ATP9A: variants seen among roughly 807,000 people sequenced by gnomAD.
ATP9A encodes ATPase phospholipid transporting 9A, also known as probable phospholipid-transporting ATPase IIA.
A neutral mutation model predicts 144.1 loss-of-function variants in ATP9A; 52 were observed. The observed-to-expected ratio is 0.36, with a 90% CI of 0.29 to 0.45. The LOEUF (loss-of-function observed/expected upper bound fraction) is 0.45. Among genes scored for constraint, ATP9A ranks in the 20% least tolerant of loss-of-function variants. The pLI is 1.00. For synonymous variants in ATP9A, 582 were observed against 557.4 expected (o/e 1.04, Z -0.62); for missense variants, 947 against 1,392.7 (o/e 0.68, Z 5.09).
Position 51,768,344 on chromosome 20 carries a change from G to A in ATP9A, c.26C>T (p.Pro9Leu), listed in dbSNP as rs1180677931. ...GTCCATCCGCTTCTTCTGGCGCACC[G>A]GCTGCAGCGGGATGTTGTCCGTCAT... MTDNIPLQ[P>L]VRQKKRMDSR... Residue 9 changes from proline (P) to leucine (L), a missense_variant, in exon 1 of 28, where the codon CCG (proline) becomes CTG (leucine). Pro to Leu is a moderately conservative substitution (Grantham distance 98, BLOSUM62 -3). Coordinates refer to ENST00000338821, the MANE Select transcript of ATP9A (RefSeq NM_006045.3). 7.7e-6 allele frequency: 10 copies of A among 1,305,172 alleles called. No homozygotes were observed. Among genetic ancestry groups the A allele is most frequent in the Admixed American group, 6.0e-5 (2 of 33,406 alleles). The allele number at this position is 1,305,172 out of a possible 1,614,324, so 80.8% of individuals were successfully genotyped here. A position where few individuals can be genotyped will look rare whatever the true frequency, so the allele number is the denominator to read the frequency against.
intron 4 of ATP9A, among the ~76,000 whole-genome samples, chr20:51,705,902 G>C (rs1043846869): frequency 1.3e-5 from 2 of 152,126 alleles, no homozygotes; most frequent in African/African-American, 4.8e-5. Flanking sequence ...TTTATTTCCA[G>C]TGCCACTGAA....
chr20:51,653,367 A>G (rs2077375090), intron 14 of ATP9A, among the ~76,000 whole-genome samples: 1 of 152,096 alleles, frequency 6.6e-6, no homozygotes, highest in Non-Finnish European at 1.5e-5. Context: ...TAAAACAAAT[A>G]CACCAAAGTC....
chr20:51,608,498 G>A lies in ATP9A; in HGVS notation c.2745+20C>T, dbSNP rs760672424. ...GCAAAGGAGGAAAGGAGGAAGGAGGGACTGAAAAGCTAACAGAACCTTGAG... is the reference window on the plus strand; with the variant it reads ...GCAAAGGAGGAAAGGAGGAAGGAGGAACTGAAAAGCTAACAGAACCTTGAG... On this transcript the variant is annotated intron_variant, in intron 25 of 27. Coordinates refer to ENST00000338821, the MANE Select transcript of ATP9A (RefSeq NM_006045.3). 3.5e-5 allele frequency: 51 copies of A among 1,462,730 alleles called. No individual in the cohort carries two copies. In the Middle Eastern group the frequency reaches 8.6e-4, roughly 25 times the overall value. 90.6% of individuals were successfully genotyped at this position (1,462,730 alleles called of 1,614,324 possible).
At chr20:51,707,660 C>A (rs947624006) in intron 4 of ATP9A, among the ~76,000 whole-genome samples, 1 of 152,134 alleles carries the variant, frequency 6.6e-6, no homozygotes, top group East Asian at 1.9e-4. Flanking sequence ...TGCTCAGAAC[C>A]GAGAATGCAG....
At chr20:51,607,402 C>T in intron 26 of ATP9A, 125 bp downstream of exon 26, 2 of 823,116 alleles carry the variant, frequency 2.4e-6, no homozygotes, top group Non-Finnish European at 2.0e-6. Flanking sequence ...CCCCTGGGTC[C>T]CACTGCCACC....
chr20:51,738,543 A>C (rs1239394396), intron 1 of ATP9A, among the ~76,000 whole-genome samples: 1 of 151,294 alleles, frequency 6.6e-6, no homozygotes, highest in East Asian at 2.0e-4. Context: ...GTCTCTACTA[A>C]AAATACAAAA....
Position 51,611,155 on chromosome 20 carries a change from AG to A in ATP9A, c.2572-991del, listed in dbSNP as rs1459554528. On this transcript the variant is annotated intron_variant, in intron 23 of 27. Coordinates refer to ENST00000338821, the MANE Select transcript of ATP9A (RefSeq NM_006045.3). The surrounding 1 kb of genome is among the most constrained non-coding windows in gnomAD (Gnocchi z 4.2). ...GCAAGGCAGAGATACCCTAGTCATTAGAAATAGCATCAGACCAGGGCTAGCT... is the reference window on the plus strand; with the variant it reads ...GCAAGGCAGAGATACCCTAGTCATTAAAATAGCATCAGACCAGGGCTAGCT... Among the ~76,000 whole-genome samples, 1 of 152,230 alleles carries A rather than the reference AG, an allele frequency of 6.6e-6. No individual in the cohort carries two copies. The highest frequency in any genetic ancestry group is 1.5e-5 in the Non-Finnish European group (1 of 68,044).
At chr20:51,674,957 G>A (rs1047321995) in intron 10 of ATP9A, among the ~76,000 whole-genome samples, 22 of 152,134 alleles carry the variant, frequency 1.4e-4, no homozygotes, top group African/African-American at 3.9e-4. Context: ...GGATTATGGC[G>A]CCCGCCACCA....
At chr20:51,712,132 G>T (rs1170941111) in intron 4 of ATP9A, among the ~76,000 whole-genome samples, 1 of 150,998 alleles carries the variant, frequency 6.6e-6, no homozygotes, top group Non-Finnish European at 1.5e-5. Flanking sequence ...GAGTGCAGTG[G>T]CGCGGTCTAT....
intron 14 of ATP9A, among the ~76,000 whole-genome samples, chr20:51,648,092 G>T (rs2077348961): frequency 6.6e-6 from 1 of 152,140 alleles, no homozygotes; most frequent in Non-Finnish European, 1.5e-5. Flanking sequence ...AAATCTTTCT[G>T]CTTCACACTC....
At chr20:51,601,857 ACATTGCAC>A (rs2077144525) in intron 27 of ATP9A, among the ~76,000 whole-genome samples, 2 of 152,116 alleles carry the variant, frequency 1.3e-5, no homozygotes, top group African/African-American at 4.8e-5. Context: ...CAGTGAGCCA[ACATTGCAC>A]CACCGCACTC....
chr20:51,743,396 A>ATTTTTT (rs769952209), intron 1 of ATP9A, among the ~76,000 whole-genome samples: 6,339 of 89,514 alleles, frequency 0.071, 1,117 homozygotes, highest in African/African-American at 0.14. Flanking sequence ...ACCGAAACTG[A>ATTTTTT]TTTTTTTTTT....
chr20:51,704,735 G>A (rs1601116084), intron 4 of ATP9A, among the ~76,000 whole-genome samples: 2 of 152,190 alleles, frequency 1.3e-5, no homozygotes, highest in Admixed American at 6.5e-5. Context: ...AGCCGAGATC[G>A]CGCCATCGCA....
At position 51,601,248 on chromosome 20, in the gene ATP9A, C is replaced by T. The variant is rs1176630134; in HGVS notation, c.3107G>A (p.Arg1036Gln). ...CTTTGAGTAGCTGGGGGGAGAGAAC[C>T]GTCTTCGCAGGTACTTGAGGACATA... Reference protein sequence around the residue: ...PLYVLKYLRRRFSPPSYSKLT... With the variant: ...PLYVLKYLRRQFSPPSYSKLT... The change falls in exon 28 of 28, where the codon CGG becomes CAG. Residue 1036 changes from arginine to glutamine, a missense_variant. This residue lies in a region of ATP9A where 177 missense variants were observed against 344.9 expected (regional missense o/e 0.51). Transcript: ENST00000338821. The T allele has an allele frequency of 1.2e-6, 2 of 1,613,666 alleles. No homozygotes were observed. The highest frequency in any genetic ancestry group is 1.7e-6 in the Non-Finnish European group (2 of 1,179,778).
chr20:51,642,156 T>G (rs2077322266), intron 14 of ATP9A, among the ~76,000 whole-genome samples: 1 of 152,044 alleles, frequency 6.6e-6, no homozygotes, highest in South Asian at 2.1e-4. Flanking sequence ...TTGTTTGTTT[T>G]GTTTTGTTTT....
At chr20:51,619,869 CAAA>C (rs564118011) in intron 19 of ATP9A, among the ~76,000 whole-genome samples, 1 of 83,884 alleles carries the variant, frequency 1.2e-5, no homozygotes, top group African/African-American at 4.5e-5. Context: ...AACTCTGTCT[CAAA>C]AAAAAAAAAA....
At position 51,683,056 on chromosome 20, in the gene ATP9A, C is replaced by T. The variant is rs150226276; in HGVS notation, c.799+6008G>A. Among the ~76,000 whole-genome samples the T allele has an allele frequency of 3.7e-3, 564 of 150,984 alleles. 5 individuals carry two copies. Among genetic ancestry groups the T allele is most frequent in the African/African-American group, 0.013 (544 of 41,264 alleles). ...GCAATGAGCAGAGATCGCACCATTG[C>T]ACTCCAGCGTGGGGACAAGAGCAAA... is the stretch of plus-strand genomic sequence containing the variant. On this transcript the variant is annotated intron_variant, in intron 9 of 27. Coordinates refer to ENST00000338821, the MANE Select transcript of ATP9A (RefSeq NM_006045.3).
At chr20:51,679,046 G>A (rs554635480) in intron 9 of ATP9A, among the ~76,000 whole-genome samples, 5 of 152,282 alleles carry the variant, frequency 3.3e-5, no homozygotes, top group Admixed American at 1.3e-4. Flanking sequence ...AAATGAGGCC[G>A]GGCACGGTGG....
intron 1 of ATP9A, among the ~76,000 whole-genome samples, chr20:51,740,714 G>A (rs2077781383): frequency 6.7e-6 from 1 of 150,064 alleles, no homozygotes; most frequent in African/African-American, 2.5e-5. Flanking sequence ...GACTACAGGT[G>A]TGTACCACCA....
Sources: gnomAD v4.1 joint callset for allele counts (sites outside exome capture counted in the v4.1 genomes callset) on GRCh38, gnomAD v4.1.1 for gene constraint, gnomAD v4.1.1 regional missense constraint, Gnocchi (gnomAD v3.1) non-coding constraint, MANE v1.5 for transcripts, NCBI Gene and HGNC (gene_info 2026-07-23, HGNC 2026-07-21) for gene names.